Variants in ARG2 observed in about 807,000 individuals in gnomAD.
The protein encoded by ARG2 is arginase-2, mitochondrial.
ARG2 carries 21 observed loss-of-function variants against 39.4 expected under a neutral mutation model. The observed-to-expected ratio is 0.53, with a 90% CI of 0.38 to 0.77. The LOEUF (loss-of-function observed/expected upper bound fraction) is 0.77, where lower values mean the gene tolerates loss of function less well. Ranked by LOEUF, ARG2 falls within the 30% of genes least tolerant of loss-of-function variation. The pLI is 0.00. For missense variants in ARG2, 378 were observed against 426.2 expected, an observed-to-expected ratio of 0.89 and a Z score of 1.00; for synonymous variants, 150 against 156.7, an observed-to-expected ratio of 0.96 and a Z score of 0.32.
rs1289311470 is a variant in ARG2 at position 67,651,608 on chromosome 14, A to G, written c.*688A>G. 5 of 1,016,806 alleles carry G rather than the reference A, an allele frequency of 4.9e-6. No individual in the cohort carries two copies. Among genetic ancestry groups the G allele is most frequent in the Non-Finnish European group, 7.0e-6 (5 of 710,786 alleles). 63.0% of individuals were successfully genotyped at this position (1,016,806 alleles called of 1,614,324 possible). A position where few individuals can be genotyped will look rare whatever the true frequency, so the allele number is the denominator to read the frequency against. On this transcript the variant is annotated 3_prime_UTR_variant, in exon 8 of 8. Coordinates refer to ENST00000261783, the MANE Select transcript of ARG2 (RefSeq NM_001172.4). ...TGTATGTTTGATCACACAGCCACTTAGCAGGAAGTACTCATAAGGTTCTTT... is the reference window on the plus strand; with the variant it reads ...TGTATGTTTGATCACACAGCCACTTGGCAGGAAGTACTCATAAGGTTCTTT...
chr14:67,645,909 C>T, intron 4 of ARG2, 107 bp downstream of exon 4: 1 of 1,274,614 alleles, frequency 7.8e-7, no homozygotes, highest in South Asian at 1.4e-5. Flanking sequence ...TGTGGATTAC[C>T]ACTCCTTCAT....
Position 67,646,910 on chromosome 14 carries a change from T to C in ARG2, c.618-11T>C. ...TAAACTAAGGACTCCTCCCTTTATA[T>C]CTCATCACAGTTTTATTTTAAAGAA... On this transcript the variant is annotated splice_polypyrimidine_tract_variant and intron_variant, in intron 5 of 7. Transcript: ENST00000261783. 1.3e-6 allele frequency: 2 copies of C among 1,544,264 alleles called. No individual in the cohort carries two copies. The highest frequency in any genetic ancestry group is 2.2e-5 in the East Asian group (1 of 44,532).
At position 67,622,822 on chromosome 14, in the gene ARG2, G is replaced by T. The variant is rs183730090; in HGVS notation, c.184+1856G>T. 3.3e-5 allele frequency among the ~76,000 whole-genome samples: 5 copies of T among 152,280 alleles called. No homozygotes were observed. The East Asian group carries it at 7.7e-4, about 24-fold the overall frequency. ...CCTTAAGAGATTCCTGACAAGAAGC[G>T]GTTTCAGCCTCTTCTGGAGGAGACC... On this transcript the variant is annotated intron_variant, in intron 2 of 7. Transcript: ENST00000261783.
chr14:67,626,662 G>A (rs2036869442), intron 2 of ARG2, among the ~76,000 whole-genome samples: 1 of 152,084 alleles, frequency 6.6e-6, no homozygotes, highest in South Asian at 2.1e-4. Context: ...ATTTTGCCAT[G>A]TTGGCCAGGT....
chr14:67,639,886 C>G (rs1409168741), intron 2 of ARG2, among the ~76,000 whole-genome samples: 3 of 137,342 alleles, frequency 2.2e-5, no homozygotes, highest in Admixed American at 8.1e-5. Context: ...GATTGTGCCA[C>G]TGCACTCCAG....
Position 67,650,932 on chromosome 14 carries a change from C to T in ARG2, c.*12C>T. On this transcript the variant is annotated 3_prime_UTR_variant, in exon 8 of 8. Transcript: ENST00000261783. The stretch of plus-strand genomic sequence containing the variant: ...GTGTGAGAATTTAGGAGACACTGTG[C>T]ACTGACATGTTTCACAACAGGCATT... 1.2e-6 allele frequency: 2 copies of T among 1,611,872 alleles called. No individual in the cohort carries two copies. Among genetic ancestry groups the T allele is most frequent in the Non-Finnish European group, 8.5e-7 (1 of 1,178,528 alleles).
chr14:67,624,255 TTTGCACTTTAATGGGAA>T (rs1177330627), intron 2 of ARG2, among the ~76,000 whole-genome samples: 6 of 150,600 alleles, frequency 4.0e-5, no homozygotes, highest in Non-Finnish European at 7.4e-5. Context: ...AAGCCAGAAA[TTTGCACTTTAATGGGAA>T]ATCTGTGTTG....
At chr14:67,633,653 T>C (rs1421304173) in intron 2 of ARG2, among the ~76,000 whole-genome samples, 1 of 152,226 alleles carries the variant, frequency 6.6e-6, no homozygotes, top group Non-Finnish European at 1.5e-5. Context: ...AGATCCAAAA[T>C]GCAGATTTGA....
At chr14:67,626,885 G>A (rs2036872154) in intron 2 of ARG2, among the ~76,000 whole-genome samples, 1 of 152,182 alleles carries the variant, frequency 6.6e-6, no homozygotes, top group African/African-American at 2.4e-5. Flanking sequence ...GTATTATTCA[G>A]TCATAAATGG....
At chr14:67,625,522 A>C (rs11628590) in intron 2 of ARG2, among the ~76,000 whole-genome samples, 50,194 of 150,734 alleles carry the variant, frequency 0.33, 8,915 homozygotes, top group African/African-American at 0.46. Flanking sequence ...CTAAAAATAC[A>C]AAAAAAAATT....
At chr14:67,645,012 A>AG (rs1001620749) in intron 3 of ARG2, among the ~76,000 whole-genome samples, 20 of 150,958 alleles carry the variant, frequency 1.3e-4, no homozygotes, top group Non-Finnish European at 2.6e-4. Flanking sequence ...AAAAAAAAAA[A>AG]AAATTGAATG....
chr14:67,638,049 C>T (rs1361520119), intron 2 of ARG2, among the ~76,000 whole-genome samples: 1 of 152,150 alleles, frequency 6.6e-6, no homozygotes, highest in African/African-American at 2.4e-5. Flanking sequence ...GGCATGAGAG[C>T]CACAAGCCAG....
chr14:67,634,970 G>A (rs1044822833), intron 2 of ARG2, among the ~76,000 whole-genome samples: 4 of 152,176 alleles, frequency 2.6e-5, no homozygotes, highest in South Asian at 4.1e-4. Flanking sequence ...TTGGCTGGGC[G>A]CACGGTGGCT....
chr14:67,640,982 T>G (rs2037024138), intron 2 of ARG2, among the ~76,000 whole-genome samples: 1 of 152,158 alleles, frequency 6.6e-6, no homozygotes, highest in African/African-American at 2.4e-5. Flanking sequence ...CACACTGTAT[T>G]AATGGTATGT....
At chr14:67,644,657 G>A (rs1005351621) in intron 3 of ARG2, among the ~76,000 whole-genome samples, 2 of 152,160 alleles carry the variant, frequency 1.3e-5, no homozygotes, top group Admixed American at 1.3e-4. Context: ...GCTAATGTAA[G>A]CAGAGCCCAA....
chr14:67,629,504 A>C (rs2036897791), intron 2 of ARG2, among the ~76,000 whole-genome samples: 1 of 152,222 alleles, frequency 6.6e-6, no homozygotes, highest in African/African-American at 2.4e-5. Context: ...ACAAAGTGGA[A>C]TATCAGTTAC....
chr14:67,641,814 A>AT (rs1222735701), intron 2 of ARG2, among the ~76,000 whole-genome samples: 3 of 152,062 alleles, frequency 2.0e-5, no homozygotes, highest in Non-Finnish European at 4.4e-5. Flanking sequence ...CTCTTTGTGT[A>AT]TTTTTTTGCT....
chr14:67,643,735 C>T (rs2037061392), intron 3 of ARG2, among the ~76,000 whole-genome samples: 1 of 151,932 alleles, frequency 6.6e-6, no homozygotes, highest in African/African-American at 2.4e-5. Context: ...GATTCAAATC[C>T]AGTGTGACTC....
Position 67,650,741 on chromosome 14 carries a change from G to A in ARG2, c.886G>A (p.Glu296Lys). 6.2e-7 allele frequency: 1 copy of A among 1,614,072 alleles called. No homozygotes were observed. Among genetic ancestry groups the A allele is most frequent in the Non-Finnish European group, 8.5e-7 (1 of 1,180,020 alleles). ...TGLLSALDLV[E>K]VNPQLATSEE... ...GTTGCTATCAGCACTGGATCTTGTT[G>A]AAGTCAATCCTCAGTTGGCCACCTC... The change falls in exon 8 of 8, where the codon GAA (glutamate) becomes AAA (lysine). Residue 296 changes from glutamate to lysine, a missense_variant. Physicochemically the swap from Glu to Lys is moderately conservative, Grantham distance 56. Coordinates refer to ENST00000261783, the MANE Select transcript of ARG2 (RefSeq NM_001172.4).
Sources: allele counts gnomAD v4.1 joint callset (sites outside exome capture counted in the v4.1 genomes callset), GRCh38; gene constraint gnomAD v4.1.1; transcripts MANE v1.5; gene names NCBI Gene and HGNC (gene_info 2026-07-23, HGNC 2026-07-21).